Variants in SMIM36 observed in about 807,000 individuals in gnomAD.
SMIM36 encodes the protein small integral membrane protein 36.
chr17:55,469,145 C>T (rs1909296669), intron 3 of SMIM36, among the ~76,000 whole-genome samples: 1 of 152,020 alleles, frequency 6.6e-6, no homozygotes, highest in African/African-American at 2.4e-5. Context: ...CCAGGCTGCT[C>T]CTCACCAGGC....
the SMIM36 span, among the ~76,000 whole-genome samples, chr17:55,528,518 C>T: frequency 6.6e-6 from 1 of 151,330 alleles, no homozygotes; most frequent in African/African-American, 2.4e-5. Context: ...AGCACAAGCA[C>T]AGCTATTCAA....
the SMIM36 span, chr17:55,527,723 G>A: frequency 6.6e-6 from 1 of 152,172 alleles, no homozygotes; most frequent in Non-Finnish European, 1.5e-5. Flanking sequence ...ACCAAGAGAG[G>A]GCACCCTCTG....
At chr17:55,460,374 C>T (rs1236011334) in intron 4 of SMIM36, among the ~76,000 whole-genome samples, 1 of 150,382 alleles carries the variant, frequency 6.6e-6, no homozygotes, top group Non-Finnish European at 1.5e-5. Flanking sequence ...GATGCAGTGA[C>T]CCTAGATTGT....
At chr17:55,509,138 T>C (rs1328207597) in intron 1 of SMIM36, among the ~76,000 whole-genome samples, 2 of 152,166 alleles carry the variant, frequency 1.3e-5, no homozygotes, top group African/African-American at 4.8e-5. Flanking sequence ...TTACAGCTAC[T>C]TAACAATCCA....
intron 1 of SMIM36, among the ~76,000 whole-genome samples, chr17:55,502,424 C>G (rs1910009173): frequency 1.0e-5 from 1 of 99,758 alleles, no homozygotes; most frequent in African/African-American, 5.7e-5. Context: ...CCCCTGACCC[C>G]AGAGCAGCCT....
chr17:55,479,749 A>G (rs1909488824), intron 1 of SMIM36, among the ~76,000 whole-genome samples, 169 bp from the exon 2 acceptor site: 2 of 152,172 alleles, frequency 1.3e-5, no homozygotes, highest in South Asian at 4.1e-4. Flanking sequence ...TAGTTTTATT[A>G]TATATAAAGT....
intron 4 of SMIM36, among the ~76,000 whole-genome samples, chr17:55,450,973 G>A (rs879744731): frequency 3.3e-5 from 5 of 151,950 alleles, no homozygotes; most frequent in Admixed American, 6.6e-5. Flanking sequence ...TGCAACCTCC[G>A]CCTCCCGAGT....
the SMIM36 span, among the ~76,000 whole-genome samples, chr17:55,518,050 A>C: frequency 2.6e-5 from 4 of 152,310 alleles, no homozygotes; most frequent in Non-Finnish European, 5.9e-5. Flanking sequence ...ATCTTAGTCC[A>C]TTTTGTGCTG....
rs541178898 is a variant in SMIM36 at position 55,460,441 on chromosome 17, A to C, written c.*531+6704T>G. The stretch of plus-strand genomic sequence containing the variant: ...GAGACTCTGTCTGGAAACAAAAAAC[A>C]AAAAACAAAACAAAAAAAAAGAACA... On this transcript the variant is annotated intron_variant, in intron 4 of 4. Transcript: ENST00000636752. Among the ~76,000 whole-genome samples, 146 of 84,320 alleles carry C rather than the reference A, an allele frequency of 1.7e-3. 1 individual carries two copies. The highest frequency in any genetic ancestry group is 6.8e-3 in the African/African-American group (141 of 20,642). 55.3% of individuals were successfully genotyped at this position (84,320 alleles called of 152,430 possible). A position where few individuals can be genotyped will look rare whatever the true frequency, so the allele number is the denominator to read the frequency against.
rs527443753 is a variant in SMIM36 at position 55,459,773 on chromosome 17, G to A, written c.*531+7372C>T. Reference sequence around the variant, plus strand: ...GCACTTTGGGAGGCCAAGGCAGGAGGCGCGCTTGAGCCCAGAAATTCGAGA... The same window carrying A: ...GCACTTTGGGAGGCCAAGGCAGGAGACGCGCTTGAGCCCAGAAATTCGAGA... On this transcript the variant is annotated intron_variant, in intron 4 of 4. Coordinates refer to ENST00000636752, the Ensembl canonical transcript of SMIM36. Among the ~76,000 whole-genome samples, 18 of 152,290 alleles carry A rather than the reference G, an allele frequency of 1.2e-4. No individual in the cohort carries two copies. In the East Asian group the frequency reaches 3.5e-3, roughly 29 times the overall value.
chr17:55,465,493 T>A (rs907434173), intron 4 of SMIM36, among the ~76,000 whole-genome samples: 4 of 152,146 alleles, frequency 2.6e-5, no homozygotes, highest in African/African-American at 9.7e-5. Context: ...ATTATGTCTA[T>A]CTTTAGATAT....
intron 1 of SMIM36, among the ~76,000 whole-genome samples, chr17:55,493,892 C>G (rs1011555344): frequency 6.7e-6 from 1 of 148,158 alleles, no homozygotes; most frequent in African/African-American, 2.5e-5. Context: ...AAGGACTAAT[C>G]TGTTGAATCA....
the SMIM36 span, among the ~76,000 whole-genome samples, chr17:55,518,771 G>T: frequency 7.2e-5 from 11 of 152,136 alleles, no homozygotes; most frequent in African/African-American, 9.6e-5. Flanking sequence ...AGTTGTGAAA[G>T]GGCAAGTGAT....
intron 1 of SMIM36, among the ~76,000 whole-genome samples, chr17:55,490,080 C>T (rs1345491060): frequency 6.6e-6 from 1 of 151,764 alleles, no homozygotes; most frequent in Non-Finnish European, 1.5e-5. Flanking sequence ...TGGGCTTGAT[C>T]TCCTGACCTC....
At chr17:55,480,877 C>T (rs141833313) in intron 1 of SMIM36, among the ~76,000 whole-genome samples, 56 of 152,168 alleles carry the variant, frequency 3.7e-4, no homozygotes, top group African/African-American at 1.2e-3. Flanking sequence ...GACAAAATTT[C>T]TTGTTATCTT....
At chr17:55,492,795 T>C (rs1225294847) in intron 1 of SMIM36, among the ~76,000 whole-genome samples, 3 of 152,212 alleles carry the variant, frequency 2.0e-5, no homozygotes, top group Non-Finnish European at 4.4e-5. Flanking sequence ...ACACATCTAA[T>C]ATGTTTCACA....
chr17:55,525,838 A>G, the SMIM36 span, among the ~76,000 whole-genome samples: 10 of 152,188 alleles, frequency 6.6e-5, no homozygotes, highest in East Asian at 7.7e-4. Flanking sequence ...TTGTATTTTT[A>G]GTAGAGATGG....
At chr17:55,488,766 A>G (rs888070094) in intron 1 of SMIM36, among the ~76,000 whole-genome samples, 9 of 152,138 alleles carry the variant, frequency 5.9e-5, no homozygotes, top group Non-Finnish European at 7.4e-5. Context: ...CATAGAGGAC[A>G]TTTTTGCAAG....
At chr17:55,500,978 A>T (rs1338878792) in intron 1 of SMIM36, among the ~76,000 whole-genome samples, 1 of 14,358 alleles carries the variant, frequency 7.0e-5, no homozygotes, top group Admixed American at 1.1e-3. Context: ...ATATATTATA[A>T]TATATTATAT....
Sources: gnomAD v4.1 joint callset for allele counts (sites outside exome capture counted in the v4.1 genomes callset) on GRCh38, gnomAD v4.1.1 for gene constraint, MANE v1.5 for transcripts, NCBI Gene and HGNC (gene_info 2026-07-23, HGNC 2026-07-21) for gene names.